Variants in DOCK3 observed in about 807,000 individuals in gnomAD.
DOCK3 encodes dedicator of cytokinesis protein 3.
DOCK3 carries 60 observed loss-of-function variants against 265.6 expected under a neutral mutation model. The observed-to-expected ratio is 0.23, with a 90% CI of 0.18 to 0.28. The LOEUF (loss-of-function observed/expected upper bound fraction) is 0.28, where lower values mean the gene tolerates loss of function less well. DOCK3 is among the 10% of genes least tolerant of loss of function. The probability of loss-of-function intolerance (pLI) is 1.00; values close to 1 mark genes in which losing one functional copy is unlikely to be tolerated. For synonymous variants in DOCK3, 881 were observed against 938.0 expected (o/e 0.94, Z 1.11); for missense variants, 1,981 against 2,594.3 (o/e 0.76, Z 5.14).
intron 14 of DOCK3, among the ~76,000 whole-genome samples, chr3:51,214,998 G>T (rs2089706861): frequency 6.6e-6 from 1 of 152,210 alleles, no homozygotes; most frequent in Admixed American, 6.5e-5. Context: ...TCAGATGGAT[G>T]TTAGGTGTCC....
chr3:50,693,345 C>G (rs2035373646), intron 1 of DOCK3, among the ~76,000 whole-genome samples: 1 of 152,086 alleles, frequency 6.6e-6, no homozygotes, highest in African/African-American at 2.4e-5. Flanking sequence ...AATGTTAAGT[C>G]TTCCAATCAG....
chr3:50,689,025 T>C (rs58529408), intron 1 of DOCK3, among the ~76,000 whole-genome samples: 8,565 of 152,240 alleles, frequency 0.056, 867 homozygotes, highest in East Asian at 0.33. Context: ...TGTCGGATTG[T>C]GACTTAAAGC....
At chr3:50,696,111 G>A (rs1336582313) in intron 1 of DOCK3, among the ~76,000 whole-genome samples, 1 of 152,148 alleles carries the variant, frequency 6.6e-6, no homozygotes, top group Non-Finnish European at 1.5e-5. Flanking sequence ...ATTCTTTCTT[G>A]CAGTCATTAA....
chr3:51,356,197 A>G lies in DOCK3; in HGVS notation c.4358A>G (p.Lys1453Arg), dbSNP rs765091688. Residue 1453 changes from lysine (K) to arginine (R), a missense_variant, in exon 42 of 53, where the codon AAG becomes AGG. Physicochemically the swap from Lys to Arg is conservative, Grantham distance 26 (BLOSUM62 2). Around this residue, in one of 4 missense-constraint regions of DOCK3, gnomAD observed 1,357 missense variants for 1,866.8 expected, o/e 0.73. Transcript: ENST00000266037. Reference protein sequence around the residue: ...KSFYRVNNVRKFRYDRPFHKG... With the variant: ...KSFYRVNNVRRFRYDRPFHKG... ...TTCTATCGCGTCAACAATGTGAGGAAGTTCCGGTATGACAGGCCTTTTCAC... is the reference window on the plus strand; with the variant it reads ...TTCTATCGCGTCAACAATGTGAGGAGGTTCCGGTATGACAGGCCTTTTCAC... 2.5e-6 allele frequency: 4 copies of G among 1,614,004 alleles called. No homozygotes were observed. In the South Asian group the frequency reaches 4.4e-5, roughly 18 times the overall value.
At chr3:50,811,471 C>T (rs1401474920) in intron 2 of DOCK3, among the ~76,000 whole-genome samples, 1 of 151,996 alleles carries the variant, frequency 6.6e-6, no homozygotes, top group Non-Finnish European at 1.5e-5. Context: ...GAAAAAGAGT[C>T]ATTCATGGAA....
chr3:51,341,453 T>C (rs2085237423), intron 38 of DOCK3, 68 bp downstream of exon 38: 1 of 1,586,524 alleles, frequency 6.3e-7, no homozygotes, highest in South Asian at 1.1e-5. Flanking sequence ...CTTGACACCA[T>C]AGGGTTAACA....
intron 49 of DOCK3, among the ~76,000 whole-genome samples, chr3:51,363,935 C>T (rs1438505140): frequency 3.9e-5 from 6 of 152,254 alleles, no homozygotes; most frequent in African/African-American, 4.8e-5. Context: ...TGAATAGTGC[C>T]GCAGTAAACA....
chr3:50,789,947 C>T (rs1027009935), intron 2 of DOCK3, among the ~76,000 whole-genome samples: 3 of 152,192 alleles, frequency 2.0e-5, no homozygotes, highest in African/African-American at 4.8e-5. Context: ...TTGGCCAGAC[C>T]GGTCTGGAAC....
chr3:51,256,658 A>G (rs562646325), intron 22 of DOCK3, among the ~76,000 whole-genome samples: 69 of 151,126 alleles, frequency 4.6e-4, no homozygotes, highest in Non-Finnish European at 6.2e-4. Context: ...CAGAGGCACA[A>G]TCTTGGCTCA....
chr3:51,326,519 A>G (rs934550262), intron 32 of DOCK3, among the ~76,000 whole-genome samples: 1 of 150,922 alleles, frequency 6.6e-6, no homozygotes, highest in Non-Finnish European at 1.5e-5. Flanking sequence ...TGACCTCATG[A>G]TCTGCCCACC....
At chr3:50,926,604 A>G (rs1303320522) in intron 4 of DOCK3, among the ~76,000 whole-genome samples, 1 of 152,210 alleles carries the variant, frequency 6.6e-6, no homozygotes, top group African/African-American at 2.4e-5. Flanking sequence ...GTTAGATGAA[A>G]GTGGGACTTG....
At chr3:50,727,266 A>T (rs748478732) in intron 1 of DOCK3, among the ~76,000 whole-genome samples, 1 of 152,252 alleles carries the variant, frequency 6.6e-6, no homozygotes, top group Non-Finnish European at 1.5e-5. Flanking sequence ...AGACATAGAA[A>T]GGTTATAACT....
At chr3:50,715,920 C>T (rs958099115) in intron 1 of DOCK3, among the ~76,000 whole-genome samples, 1 of 152,084 alleles carries the variant, frequency 6.6e-6, no homozygotes, top group African/African-American at 2.4e-5. Flanking sequence ...TTTAATACAA[C>T]AGTCTTCTTT....
intron 28 of DOCK3, 74 bp from the exon 29 acceptor site, chr3:51,311,930 G>GCTGAT (rs2083086378): frequency 8.6e-7 from 1 of 1,165,672 alleles, no homozygotes; most frequent in Non-Finnish European, 1.2e-6. Flanking sequence ...ACAGGCTATA[G>GCTGAT]ACAGCTGATA....
chr3:50,972,350 G>T (rs1173101291), intron 5 of DOCK3, among the ~76,000 whole-genome samples: 1 of 152,232 alleles, frequency 6.6e-6, no homozygotes, highest in African/African-American at 2.4e-5. Flanking sequence ...AATGGTGGGA[G>T]AGAAGTCTCC....
At chr3:50,787,977 C>T (rs2042274026) in intron 2 of DOCK3, 2 of 862,056 alleles carry the variant, frequency 2.3e-6, no homozygotes, top group South Asian at 1.4e-5. Flanking sequence ...TCCTCCTCTT[C>T]TGTGTCATCA....
intron 5 of DOCK3, among the ~76,000 whole-genome samples, chr3:50,991,963 G>A (rs2078121735): frequency 6.6e-6 from 1 of 152,068 alleles, no homozygotes; most frequent in Non-Finnish European, 1.5e-5. Flanking sequence ...CAATTAAATG[G>A]AAATTAAACA....
chr3:51,271,109 G>A (rs2080469777), intron 24 of DOCK3, 102 bp downstream of exon 24: 17 of 1,313,604 alleles, frequency 1.3e-5, no homozygotes, highest in East Asian at 2.3e-5. Context: ...TTTCCTCAAC[G>A]ATTATGCAAG....
At chr3:50,713,890 T>C (rs944303873) in intron 1 of DOCK3, among the ~76,000 whole-genome samples, 8 of 152,218 alleles carry the variant, frequency 5.3e-5, no homozygotes, top group African/African-American at 1.4e-4. Context: ...GTATTAATGC[T>C]TCTAAATATC....
Sources: gnomAD v4.1 joint callset for allele counts (sites outside exome capture counted in the v4.1 genomes callset) on GRCh38, gnomAD v4.1.1 for gene constraint, gnomAD v4.1.1 regional missense constraint, MANE v1.5 for transcripts, NCBI Gene and HGNC (gene_info 2026-07-23, HGNC 2026-07-21) for gene names.